SLX4: variants seen among roughly 807,000 people sequenced by gnomAD.
The protein encoded by SLX4 is structure-specific endonuclease subunit SLX4.
Under a neutral mutation model 146.2 loss-of-function variants are expected in SLX4, and 112 were observed. The ratio of observed to expected loss-of-function variants is 0.77; its 90% CI spans 0.66 to 0.90. SLX4 has a LOEUF of 0.90. Ranked by LOEUF, SLX4 falls within the 40% of genes least tolerant of loss-of-function variation. The probability of loss-of-function intolerance (pLI) is 0.00; values close to 1 mark genes in which losing one functional copy is unlikely to be tolerated. For synonymous variants in SLX4, 1,061 were observed against 997.7 expected (o/e 1.06, Z -1.20); for missense variants, 2,563 against 2,392.7 (o/e 1.07, Z -1.49).
Position 3,583,040 on chromosome 16 carries a change from C to G in SLX4, c.5153+57G>C, listed in dbSNP as rs192310418. The G allele has an allele frequency of 5.6e-6, 9 of 1,595,186 alleles. No individual in the cohort carries two copies. The Admixed American group carries it at 1.5e-4, about 27-fold the overall frequency. On this transcript the variant is annotated intron_variant, in intron 14 of 14. Coordinates refer to ENST00000294008, the MANE Select transcript of SLX4 (RefSeq NM_032444.4). ...TAGGTCTCACTCGTGCCAACCCTCA[C>G]GCCCACGGGCCAGAGGATACATGAG...
rs1164542119 is a variant in SLX4, at chr16:3,589,772, T to C, written c.3866A>G (p.Gln1289Arg). The C allele has an allele frequency of 3.1e-6, 5 of 1,613,660 alleles. No individual in the cohort carries two copies. Among genetic ancestry groups the C allele is most frequent in the Non-Finnish European group, 4.2e-6 (5 of 1,180,028 alleles). The change falls in exon 12 of 15, where the codon CAG becomes CGG. Residue 1289 changes from glutamine (Q) to arginine (R), a missense_variant. Coordinates refer to ENST00000294008, the MANE Select transcript of SLX4 (RefSeq NM_032444.4). The surrounding 1 kb of genome is among the most constrained non-coding windows in gnomAD (Gnocchi z 6.2). ...RSGLAVQAVTQHTPRASVGNR... is the reference protein window; with the variant it reads ...RSGLAVQAVTRHTPRASVGNR... The stretch of plus-strand genomic sequence containing the variant: ...TCCTACTGAGGCCCTGGGCGTGTGC[T>C]GAGTCACCGCCTGCACGGCCAGCCC...
rs2040661841 is a variant in SLX4, at chr16:3,596,539, C to A, written c.1684-146G>T. The stretch of plus-strand genomic sequence containing the variant: ...TGGGGACAGACTGTCCCCGGGGCTC[C>A]AGCCACAGCCTGGAGCAGTCCTGGG... On this transcript the variant is annotated intron_variant, in intron 7 of 14. Transcript: ENST00000294008. 3 of 969,250 alleles carry A rather than the reference C, an allele frequency of 3.1e-6. No homozygotes were observed. The Admixed American group carries it at 8.5e-5, about 28-fold the overall frequency. The allele number at this position is 969,250 out of a possible 1,614,324, so 60.0% of individuals were successfully genotyped here. A position where few individuals can be genotyped will look rare whatever the true frequency, so the allele number is the denominator to read the frequency against.
At chr16:3,587,578 G>A (rs796158040) in intron 12 of SLX4, among the ~76,000 whole-genome samples, 5 of 152,304 alleles carry the variant, frequency 3.3e-5, no homozygotes, top group African/African-American at 1.2e-4. Flanking sequence ...AGAAAAGCAC[G>A]ATTCTTCCTG....
Position 3,589,824 on chromosome 16 carries a change from G to A in SLX4, c.3814C>T (p.Gln1272Ter). The A allele has an allele frequency of 6.2e-7, 1 of 1,613,456 alleles. No homozygotes were observed. Among genetic ancestry groups the A allele is most frequent in the South Asian group, 1.1e-5 (1 of 91,088 alleles). The change falls in exon 12 of 15, where the codon CAG becomes TAG. Residue 1272 changes from glutamine (Q) to a stop codon, truncating the protein, a stop_gained. Coordinates refer to ENST00000294008, the MANE Select transcript of SLX4 (RefSeq NM_032444.4). LOFTEE classifies it high-confidence loss of function. The surrounding 1 kb of genome is among the most constrained non-coding windows in gnomAD (Gnocchi z 6.2). The part of the protein sequence containing the change: ...LASRSRDCSS[Q>*]TQISSLRSGL... The stretch of plus-strand genomic sequence containing the variant: ...CTCCTGAGGCTGCTGATTTGGGTCT[G>A]GGAAGAACAGTCACGGCTTCTGCTG...
chr16:3,602,306 C>T lies in SLX4; in HGVS notation c.762G>A (p.Val254=), dbSNP rs768559858. The change falls in exon 4 of 15, where the codon GTG becomes GTA. Residue 254 remains valine, a splice_region_variant and synonymous_variant. Coordinates refer to ENST00000294008, the MANE Select transcript of SLX4 (RefSeq NM_032444.4). The part of the protein sequence containing the change: ...DPQEEMMAGN[V]YGLGPPAPES... ...CTGGGGCAGGGGGCCCAAGCCCATA[C>T]ACTGTGGAGAAGCACCAAAGATCCG... 1 of 1,613,792 alleles carries T rather than the reference C, an allele frequency of 6.2e-7. No individual in the cohort carries two copies. Among genetic ancestry groups the T allele is most frequent in the Non-Finnish European group, 8.5e-7 (1 of 1,180,036 alleles).
In SLX4 at chr16:3,595,659, A is replaced by G. The variant is rs764991037; in HGVS notation, c.1959T>C (p.Thr653=). The change falls in exon 9 of 15, where the codon ACT becomes ACC. Residue 653 remains threonine, a synonymous_variant. Transcript: ENST00000294008. The part of the protein sequence containing the change: ...LDVVPGGLPL[T]GFVVPSQDKH... ...TGTCCTGCGATGGCACCACAAACCC[A>G]GTCAGAGGAAGGCCGCCGGGCACCA... 6.8e-6 allele frequency: 11 copies of G among 1,614,072 alleles called. No individual in the cohort carries two copies. The highest frequency in any genetic ancestry group is 8.5e-6 in the Non-Finnish European group (10 of 1,180,022).
Position 3,589,321 on chromosome 16 carries a change from G to A in SLX4, c.4317C>T (p.Asp1439=). Residue 1439 remains aspartate, a synonymous_variant, in exon 12 of 15, where the codon GAC becomes GAT. Transcript: ENST00000294008. This position sits in a 1 kb window ranked among gnomAD's most constrained non-coding sequence, Gnocchi z 6.2. ...HMEPLSPIPI[D]HWNLERTGPL... ...GGCCGGTCCGCTCCAGGTTCCAGTG[G>A]TCAATGGGAATTGGCGAGAGGGGCT... 6.3e-7 allele frequency: 1 copy of A among 1,579,752 alleles called. No homozygotes were observed. Among genetic ancestry groups the A allele is most frequent in the Non-Finnish European group, 8.6e-7 (1 of 1,161,658 alleles).
At position 3,590,825 on chromosome 16, in the gene SLX4, G is replaced by A; in HGVS notation, c.2813C>T (p.Ala938Val). The A allele has an allele frequency of 6.2e-7, 1 of 1,614,060 alleles. No homozygotes were observed. Among genetic ancestry groups the A allele is most frequent in the Non-Finnish European group, 8.5e-7 (1 of 1,180,004 alleles). ...CTGCTCAGGGGCCTCTGCTCCCCGT[G>A]CCCCTGAGTGCTGGCCCTGGGGTGG... ...LPPPQGQHSG[A>V]RGAEAPEQEA... is the part of the protein sequence containing the mutation. The change falls in exon 12 of 15, where the codon GCA (alanine) becomes GTA (valine). Residue 938 changes from alanine to valine, a missense_variant. Physicochemically the swap from Ala to Val is moderately conservative, Grantham distance 64. Coordinates refer to ENST00000294008, the MANE Select transcript of SLX4 (RefSeq NM_032444.4). This position sits in a 1 kb window ranked among gnomAD's most constrained non-coding sequence, Gnocchi z 4.8.
chr16:3,589,634 C>T lies in SLX4; in HGVS notation c.4004G>A (p.Gly1335Asp), dbSNP rs761813549. The change falls in exon 12 of 15, where the codon GGC becomes GAC. Residue 1335 changes from glycine to aspartate, a missense_variant. Physicochemically the swap from Gly to Asp is moderately conservative, Grantham distance 94. Transcript: ENST00000294008. This position sits in a 1 kb window ranked among gnomAD's most constrained non-coding sequence, Gnocchi z 6.2. ...AGGGCTTCTGTGGCCTTGCCTTCTG[C>T]CGTCAGAAGTTCCTGGAGAGACGGG... ...LTPVSPGTSD[G>D]RRQGHRSPSR... The T allele has an allele frequency of 1.2e-5, 19 of 1,613,972 alleles. No individual in the cohort carries two copies. Among genetic ancestry groups the T allele is most frequent in the Non-Finnish European group, 1.4e-5 (16 of 1,180,032 alleles).
In SLX4 at chr16:3,589,557, G is replaced by A; in HGVS notation, c.4081C>T (p.Pro1361Ser). Residue 1361 changes from proline to serine, a missense_variant, in exon 12 of 15, where the codon CCC (proline) becomes TCC (serine). Coordinates refer to ENST00000294008, the MANE Select transcript of SLX4 (RefSeq NM_032444.4). The surrounding 1 kb of genome is among the most constrained non-coding windows in gnomAD (Gnocchi z 6.2). ...HPHSSPLAPHPISGDRAHFSR... is the reference protein window; with the variant it reads ...HPHSSPLAPHSISGDRAHFSR... ...AAGTGGGCGCGGTCCCCTGAGATGGGATGTGGAGCCAGCGGAGAGGAGTGC... is the reference window on the plus strand; with the variant it reads ...AAGTGGGCGCGGTCCCCTGAGATGGAATGTGGAGCCAGCGGAGAGGAGTGC... The A allele has an allele frequency of 6.2e-7, 1 of 1,612,522 alleles. No individual in the cohort carries two copies.
Position 3,594,464 on chromosome 16 carries a change from G to T in SLX4, c.2149C>A (p.Leu717Ile), listed in dbSNP as rs1454239720. Residue 717 changes from leucine (L) to isoleucine (I), a missense_variant, in exon 10 of 15, where the codon CTC (leucine) becomes ATC (isoleucine). By Grantham distance (5) the Leu-to-Ile change is conservative. Coordinates refer to ENST00000294008, the MANE Select transcript of SLX4 (RefSeq NM_032444.4). ...GCCCACGTACTTACATACTGGATGA[G>T]GAGCGGGCATCGGGCATAAAGCACG... Reference protein sequence around the residue: ...KFVLYARCPLLIQYVNNEGFS... With the variant: ...KFVLYARCPLIIQYVNNEGFS... 1 of 1,613,532 alleles carries T rather than the reference G, an allele frequency of 6.2e-7. No homozygotes were observed. The highest frequency in any genetic ancestry group is 2.2e-5 in the East Asian group (1 of 44,858).
chr16:3,584,308 C>T (rs1354235478), intron 13 of SLX4, among the ~76,000 whole-genome samples: 1 of 152,052 alleles, frequency 6.6e-6, no homozygotes, highest in Non-Finnish European at 1.5e-5. Context: ...GTAGTCCCAG[C>T]TACTCGGGAG....
At position 3,597,800 on chromosome 16, in the gene SLX4, CTTCT is replaced by C; in HGVS notation, c.1359_1362del (p.Glu454GlnfsTer18). 1 of 1,614,160 alleles carries C rather than the reference CTTCT, an allele frequency of 6.2e-7. No individual in the cohort carries two copies. On this transcript the variant is annotated frameshift_variant, in exon 6 of 15. Coordinates refer to ENST00000294008, the MANE Select transcript of SLX4 (RefSeq NM_032444.4). LOFTEE classifies it high-confidence loss of function. This position sits in a 1 kb window ranked among gnomAD's most constrained non-coding sequence, Gnocchi z 4.4. ...TCACTCTTCTGATCACACAAACCTG[CTTCT>C]GGTCTTATCCTCTCAGAAAAGGCAC...
intron 5 of SLX4, among the ~76,000 whole-genome samples, chr16:3,598,356 A>T (rs769209461): frequency 2.6e-5 from 4 of 151,886 alleles, no homozygotes; most frequent in Non-Finnish European, 5.9e-5. Context: ...CACCACCTTC[A>T]CCCATCAATA....
In SLX4 at chr16:3,589,243, A is replaced by ACGGCTGT; in HGVS notation, c.4388_4394dup (p.Asp1466GlnfsTer3). On this transcript the variant is annotated frameshift_variant, in exon 12 of 15. Transcript: ENST00000294008. LOFTEE classifies it high-confidence loss of function. This position sits in a 1 kb window ranked among gnomAD's most constrained non-coding sequence, Gnocchi z 6.2. ...CCAGGAGTCCCGGGGAGCGACAGTC[A>ACGGCTGT]CGGCTGTCGGCGGCCTCGTTCATCC... 1.9e-6 allele frequency: 3 copies of ACGGCTGT among 1,607,934 alleles called. No homozygotes were observed. The highest frequency in any genetic ancestry group is 2.6e-6 in the Non-Finnish European group (3 of 1,175,550).
chr16:3,593,671 T>G (rs1019930947), intron 10 of SLX4, among the ~76,000 whole-genome samples: 2 of 152,210 alleles, frequency 1.3e-5, no homozygotes, highest in Non-Finnish European at 2.9e-5. Context: ...AGAGTCCTCC[T>G]GATAGACACA....
In SLX4 at chr16:3,608,972, C is replaced by T; in HGVS notation, c.-8G>A. 6.2e-7 allele frequency: 1 copy of T among 1,611,084 alleles called. No individual in the cohort carries two copies. The highest frequency in any genetic ancestry group is 1.1e-5 in the South Asian group (1 of 90,928). ...ATTCACACTCAGTTTCATTAGGGTT[C>T]TTCTCTACTTCTCCATTAGATACTT... On this transcript the variant is annotated 5_prime_UTR_variant, in exon 2 of 15. Coordinates refer to ENST00000294008, the MANE Select transcript of SLX4 (RefSeq NM_032444.4).
At chr16:3,611,448 G>A (rs891865622) in intron 1 of SLX4, 112 bp downstream of exon 1, 1 of 152,270 alleles carries the variant, frequency 6.6e-6, no homozygotes, top group Non-Finnish European at 1.5e-5. Flanking sequence ...AGCCAGCGAG[G>A]GAGACGGGCG....
chr16:3,595,596 A>C lies in SLX4; in HGVS notation c.2013+9T>G. ...GGACCAGAGAGCGCGGGCCAGAGCC[A>C]GTTCTTACCAAGGTGCGGCCGCCCC... On this transcript the variant is annotated intron_variant, in intron 9 of 14. Transcript: ENST00000294008. The C allele has an allele frequency of 6.2e-7, 1 of 1,613,678 alleles. No individual in the cohort carries two copies. The highest frequency in any genetic ancestry group is 1.3e-5 in the African/African-American group (1 of 75,048).
Sources: allele counts gnomAD v4.1 joint callset (sites outside exome capture counted in the v4.1 genomes callset), GRCh38; gene constraint gnomAD v4.1.1; non-coding constraint Gnocchi (gnomAD v3.1); transcripts MANE v1.5; gene names NCBI Gene and HGNC (gene_info 2026-07-23, HGNC 2026-07-21).